EIPR1: variants seen among roughly 807,000 people sequenced by gnomAD.
The protein encoded by EIPR1 is EARP and GARP complex-interacting protein 1.
Under a neutral mutation model 48.1 loss-of-function variants are expected in EIPR1, and 25 were observed. That is an observed-to-expected ratio of 0.52 (90% confidence interval 0.38 to 0.73). The LOEUF is 0.73. Ranked by LOEUF, EIPR1 falls within the 30% of genes least tolerant of loss-of-function variation. The probability of loss-of-function intolerance (pLI) is 0.00; values close to 1 mark genes in which losing one functional copy is unlikely to be tolerated. For missense variants in EIPR1, 415 were observed against 506.2 expected (o/e 0.82, Z 1.73); for synonymous variants, 204 against 201.9 (o/e 1.01, Z -0.09).
intron 3 of EIPR1, chr2:3,282,921 G>A (rs1668058947): frequency 6.6e-6 from 1 of 152,302 alleles, no homozygotes; most frequent in Admixed American, 6.5e-5. Context: ...TTAGCTTCGA[G>A]GAGGTGCTCT....
Position 3,217,767 on chromosome 2 carries a change from G to C in EIPR1, c.417-3519C>G, listed in dbSNP as rs150481175. ...AAAAGGCTGCAACCAGCAAGACCCC[G>C]CATGGTACCAGTCTGATATACCACT... On this transcript the variant is annotated intron_variant, in intron 4 of 8. Coordinates refer to ENST00000382125, the MANE Select transcript of EIPR1 (RefSeq NM_003310.5). Among the ~76,000 whole-genome samples the C allele has an allele frequency of 1.4e-4, 21 of 152,156 alleles. No individual in the cohort carries two copies. The South Asian group carries it at 1.5e-3, about 11-fold the overall frequency.
intron 3 of EIPR1, among the ~76,000 whole-genome samples, chr2:3,325,023 C>T (rs1467363308): frequency 6.6e-6 from 1 of 152,212 alleles, no homozygotes; most frequent in East Asian, 1.9e-4. Flanking sequence ...GTCCTAAGTC[C>T]AGACACAACT....
rs1039804036 is a variant in EIPR1, at chr2:3,189,720, A to C, written c.990-212T>G. ...CCCAGAAACCCTCACTGTCACTGTGAGGAGTGGGCATTTCTCAAAAGGTTT... is the reference window on the plus strand; with the variant it reads ...CCCAGAAACCCTCACTGTCACTGTGCGGAGTGGGCATTTCTCAAAAGGTTT... On this transcript the variant is annotated intron_variant, in intron 8 of 8. Coordinates refer to ENST00000382125, the MANE Select transcript of EIPR1 (RefSeq NM_003310.5). This position sits in a 1 kb window ranked among gnomAD's most constrained non-coding sequence, Gnocchi z 4.6. Among the ~76,000 whole-genome samples the C allele has an allele frequency of 6.6e-6, 1 of 152,134 alleles. No individual in the cohort carries two copies. The highest frequency in any genetic ancestry group is 1.5e-5 in the Non-Finnish European group (1 of 68,012).
At chr2:3,244,057 C>T (rs1381270122) in intron 4 of EIPR1, among the ~76,000 whole-genome samples, 1 of 152,264 alleles carries the variant, frequency 6.6e-6, no homozygotes, top group Non-Finnish European at 1.5e-5. Flanking sequence ...CCCAGGCCCA[C>T]AGGGGCTCCC....
intron 1 of EIPR1, among the ~76,000 whole-genome samples, chr2:3,363,156 T>C (rs1009892269): frequency 2.7e-5 from 4 of 149,270 alleles, no homozygotes; most frequent in African/African-American, 4.9e-5. Context: ...CAGCTCCACA[T>C]ACAGATCCTG....
At chr2:3,284,205 G>A (rs1668106073) in intron 3 of EIPR1, among the ~76,000 whole-genome samples, 1 of 146,692 alleles carries the variant, frequency 6.8e-6, no homozygotes, top group Non-Finnish European at 1.5e-5. Flanking sequence ...TGGGCACATG[G>A]AGATGGGGCC....
intron 1 of EIPR1, among the ~76,000 whole-genome samples, chr2:3,365,579 G>A (rs1670952632): frequency 6.6e-6 from 1 of 150,782 alleles, no homozygotes; most frequent in Non-Finnish European, 1.5e-5. Context: ...GGGAAGGTCA[G>A]CAGATAAACA....
chr2:3,351,953 G>A lies in EIPR1; in HGVS notation c.126+2597C>T, dbSNP rs181347768. Among the ~76,000 whole-genome samples, 343 of 152,136 alleles carry A rather than the reference G, an allele frequency of 2.3e-3. 3 individuals are homozygous for A. The highest frequency in any genetic ancestry group is 8.0e-3 in the African/African-American group (331 of 41,406). The stretch of plus-strand genomic sequence containing the variant: ...GGAGCCATCCCACTCCATCCCACCC[G>A]AAACGTGAGTCATCCCTTTGATCAG... On this transcript the variant is annotated intron_variant, in intron 2 of 8. Transcript: ENST00000382125.
At chr2:3,202,039 G>T (rs976911943) in intron 5 of EIPR1, among the ~76,000 whole-genome samples, 1 of 152,082 alleles carries the variant, frequency 6.6e-6, no homozygotes, top group Non-Finnish European at 1.5e-5. Context: ...CGGGGTTCAC[G>T]CCATTCTCCT....
At chr2:3,234,788 T>C (rs1666348894) in intron 4 of EIPR1, among the ~76,000 whole-genome samples, 1 of 152,186 alleles carries the variant, frequency 6.6e-6, no homozygotes, top group Non-Finnish European at 1.5e-5. Flanking sequence ...TGCTCCTACT[T>C]TGCACAAGAG....
At chr2:3,316,825 C>T (rs537566295) in intron 3 of EIPR1, among the ~76,000 whole-genome samples, 162 of 152,390 alleles carry the variant, frequency 1.1e-3, no homozygotes, top group Admixed American at 1.8e-3. Flanking sequence ...TCCCCAGCCA[C>T]GCCAACCTCT....
intron 3 of EIPR1, among the ~76,000 whole-genome samples, chr2:3,299,591 A>C (rs1383279171): frequency 6.6e-6 from 1 of 150,564 alleles, no homozygotes; most frequent in East Asian, 2.0e-4. Flanking sequence ...AAATTTCAGA[A>C]AGGAAAATAT....
intron 3 of EIPR1, chr2:3,320,638 C>T (rs541911361): frequency 9.2e-5 from 14 of 152,352 alleles, no homozygotes; most frequent in African/African-American, 3.1e-4. Context: ...GAAATAATAA[C>T]TTGTTCCCTG....
At chr2:3,376,047 G>T (rs886170575) in intron 1 of EIPR1, among the ~76,000 whole-genome samples, 1 of 152,034 alleles carries the variant, frequency 6.6e-6, no homozygotes, top group Non-Finnish European at 1.5e-5. Context: ...GGCCAAGGAG[G>T]GCAGATCACT....
intron 3 of EIPR1, among the ~76,000 whole-genome samples, chr2:3,310,569 C>T (rs1259393260): frequency 2.1e-5 from 3 of 141,808 alleles, no homozygotes; most frequent in Admixed American, 7.2e-5. Context: ...AGGAGAATGG[C>T]GTGAACCCGG....
chr2:3,308,952 T>A (rs1466443481), intron 3 of EIPR1, among the ~76,000 whole-genome samples: 1 of 152,120 alleles, frequency 6.6e-6, no homozygotes, highest in Admixed American at 6.5e-5. Flanking sequence ...ACTAAGGAAG[T>A]TTGCCACAAG....
chr2:3,348,383 A>AG lies in EIPR1; in HGVS notation c.126+6166dup, dbSNP rs771251953. The stretch of plus-strand genomic sequence containing the variant: ...CTCATCTCTTATCTACATGAGAAAG[A>AG]GGGGGGCACCAATATACAGGGAAAG... On this transcript the variant is annotated intron_variant, in intron 2 of 8. Coordinates refer to ENST00000382125, the MANE Select transcript of EIPR1 (RefSeq NM_003310.5). Among the ~76,000 whole-genome samples, 14 of 152,168 alleles carry AG rather than the reference A, an allele frequency of 9.2e-5. No homozygotes were observed. The East Asian group carries it at 1.5e-3, about 17-fold the overall frequency.
At chr2:3,348,506 C>T (rs1670472116) in intron 2 of EIPR1, among the ~76,000 whole-genome samples, 1 of 152,206 alleles carries the variant, frequency 6.6e-6, no homozygotes, top group South Asian at 2.1e-4. Context: ...AGAACTCCAG[C>T]TCCTCCTCAA....
chr2:3,356,477 G>A (rs1402039525), intron 1 of EIPR1, among the ~76,000 whole-genome samples: 1 of 152,224 alleles, frequency 6.6e-6, no homozygotes, highest in African/African-American at 2.4e-5. Context: ...TACTAGAGCT[G>A]TGACTAGCAC....
Sources: allele counts gnomAD v4.1 joint callset (sites outside exome capture counted in the v4.1 genomes callset), GRCh38; gene constraint gnomAD v4.1.1; non-coding constraint Gnocchi (gnomAD v3.1); transcripts MANE v1.5; gene names NCBI Gene and HGNC (gene_info 2026-07-23, HGNC 2026-07-21).